RNF175: variants seen among roughly 807,000 people sequenced by gnomAD.
RNF175 encodes ring finger protein 175.
Under a neutral mutation model 50.0 loss-of-function variants are expected in RNF175, and 38 were observed. The ratio of observed to expected loss-of-function variants is 0.76; its 90% confidence interval spans 0.59 to 1.00. The LOEUF (loss-of-function observed/expected upper bound fraction) is 1.00. Among genes scored for constraint, RNF175 ranks in the 50% least tolerant of loss-of-function variants. The pLI is 0.00. For missense variants in RNF175, 388 were observed against 409.6 expected (o/e 0.95, Z 0.46); for synonymous variants, 155 against 146.1 (o/e 1.06, Z -0.44).
intron 3 of RNF175, among the ~76,000 whole-genome samples, chr4:153,730,503 T>C (rs570095427): frequency 1.3e-5 from 2 of 152,212 alleles, no homozygotes; most frequent in Non-Finnish European, 2.9e-5. Flanking sequence ...GTAGCTGATT[T>C]TGGAGATAGT....
chr4:153,743,096 T>A (rs774869716), intron 3 of RNF175, among the ~76,000 whole-genome samples: 3 of 152,192 alleles, frequency 2.0e-5, no homozygotes, highest in Non-Finnish European at 4.4e-5. Flanking sequence ...AGACTTTAAA[T>A]TCAGTAGTGT....
intron 4 of RNF175, chr4:153,727,580 C>A (rs573632184): frequency 1.3e-5 from 2 of 152,304 alleles, no homozygotes; most frequent in South Asian, 4.1e-4. Flanking sequence ...CACTTTATCT[C>A]ATTCCAGTTT....
At chr4:153,745,169 T>C (rs10517579) in intron 3 of RNF175, among the ~76,000 whole-genome samples, 26,858 of 152,148 alleles carry the variant, frequency 0.18, 3,090 homozygotes, top group Non-Finnish European at 0.25. Context: ...TAGTCCATAT[T>C]TGAATCTAAA....
rs369383332 is a variant in RNF175 at position 153,720,226 on chromosome 4, G to C, written c.588C>G (p.Asp196Glu). ...YGLYYGVMGR[D>E]FAEICSDYMA... ...TGTAGTCTGAGCAGATCTCGGCAAA[G>C]TCTCTCCCCATTACTCCATAGTAGA... is the stretch of plus-strand genomic sequence containing the variant. Residue 196 changes from aspartate (D) to glutamate (E), a missense_variant, in exon 6 of 9, where the codon GAC becomes GAG. Physicochemically the swap from Asp to Glu is conservative, Grantham distance 45. Transcript: ENST00000347063. 6 of 1,613,064 alleles carry C rather than the reference G, an allele frequency of 3.7e-6. No individual in the cohort carries two copies. The highest frequency in any genetic ancestry group is 3.3e-5 in the South Asian group (3 of 91,016).
At chr4:153,736,093 G>T (rs951256311) in intron 3 of RNF175, among the ~76,000 whole-genome samples, 1 of 152,182 alleles carries the variant, frequency 6.6e-6, no homozygotes, top group Non-Finnish European at 1.5e-5. Flanking sequence ...AAGTATGTCA[G>T]TTGTAGGCTT....
At chr4:153,752,950 T>G (rs1278111517) in intron 1 of RNF175, among the ~76,000 whole-genome samples, 1 of 150,512 alleles carries the variant, frequency 6.6e-6, no homozygotes, top group Non-Finnish European at 1.5e-5. Flanking sequence ...AAAGTAAAAA[T>G]GAGGACTTCT....
At chr4:153,756,831 G>T (rs1305902893) in intron 1 of RNF175, among the ~76,000 whole-genome samples, 3 of 152,214 alleles carry the variant, frequency 2.0e-5, no homozygotes, top group African/African-American at 7.2e-5. Context: ...ACCAGCAGAG[G>T]GCAAGGGCTG....
intron 5 of RNF175, among the ~76,000 whole-genome samples, chr4:153,722,866 TGTAA>T (rs899418252): frequency 1.3e-5 from 2 of 152,172 alleles, no homozygotes; most frequent in African/African-American, 4.8e-5. Context: ...ATGTTTTTTG[TGTAA>T]GTCTTTGAAA....
At chr4:153,755,530 T>C (rs1740516948) in intron 1 of RNF175, among the ~76,000 whole-genome samples, 1 of 150,790 alleles carries the variant, frequency 6.6e-6, no homozygotes, top group Non-Finnish European at 1.5e-5. Context: ...AAATAAAAAC[T>C]CAAATGAAGA....
At chr4:153,756,271 A>C (rs13116053) in intron 1 of RNF175, among the ~76,000 whole-genome samples, 80,385 of 151,864 alleles carry the variant, frequency 0.53, 21,968 homozygotes, top group Middle Eastern at 0.63. Flanking sequence ...TCTTTTGGCT[A>C]GCTAAATTTG....
chr4:153,725,704 A>G (rs925394100), intron 4 of RNF175, among the ~76,000 whole-genome samples: 2 of 152,162 alleles, frequency 1.3e-5, no homozygotes, highest in Non-Finnish European at 2.9e-5. Flanking sequence ...ATTCCTTCCT[A>G]TGATTGCCTA....
At chr4:153,737,842 A>G (rs1277401128) in intron 3 of RNF175, among the ~76,000 whole-genome samples, 1 of 152,196 alleles carries the variant, frequency 6.6e-6, no homozygotes, top group Non-Finnish European at 1.5e-5. Context: ...TGTTCAGTCA[A>G]TTATGTCCTT....
chr4:153,737,816 A>T (rs1331595327), intron 3 of RNF175, among the ~76,000 whole-genome samples: 1 of 152,198 alleles, frequency 6.6e-6, no homozygotes, highest in East Asian at 1.9e-4. Context: ...ATTTAGAGCA[A>T]GCTGATGAAT....
At chr4:153,714,772 G>A (rs1737799716) in intron 7 of RNF175, 1 of 152,478 alleles carries the variant, frequency 6.6e-6, no homozygotes, top group Non-Finnish European at 1.5e-5. Context: ...AGCACATTGA[G>A]GCTTTCCTTA....
chr4:153,751,538 A>G, intron 1 of RNF175, 63 bp from the exon 2 acceptor site: 3 of 1,196,064 alleles, frequency 2.5e-6, no homozygotes. Context: ...TTTCTGTGAA[A>G]GCAATATATG....
At chr4:153,729,853 T>G (rs571419539) in intron 3 of RNF175, 3 of 974,962 alleles carry the variant, frequency 3.1e-6, no homozygotes, top group Admixed American at 1.2e-4. Context: ...ATAACTTCAA[T>G]TTTTGTTTTT....
intron 7 of RNF175, chr4:153,714,002 T>C (rs758737726): frequency 6.6e-6 from 1 of 152,240 alleles, no homozygotes; most frequent in Non-Finnish European, 1.5e-5. Flanking sequence ...CTTGTTAATA[T>C]GACTCATATT....
chr4:153,719,209 A>C (rs2606318), intron 6 of RNF175, among the ~76,000 whole-genome samples: 5 of 152,178 alleles, frequency 3.3e-5, no homozygotes, highest in Admixed American at 3.3e-4. Context: ...GGCAGTCTTC[A>C]GTTTTCTGTT....
intron 3 of RNF175, among the ~76,000 whole-genome samples, chr4:153,734,220 G>T (rs2606332): frequency 6.6e-6 from 1 of 152,026 alleles, no homozygotes; most frequent in Admixed American, 6.5e-5. Flanking sequence ...GTAAATACCC[G>T]GTAGAGTGAT....
Sources: gnomAD v4.1 joint callset for allele counts (sites outside exome capture counted in the v4.1 genomes callset) on GRCh38, gnomAD v4.1.1 for gene constraint, MANE v1.5 for transcripts, NCBI Gene and HGNC (gene_info 2026-07-23, HGNC 2026-07-21) for gene names.